The following RALGAPA1 variants were observed in gnomAD, a reference collection of about 807,000 sequenced individuals.
RALGAPA1 encodes ral GTPase-activating protein subunit alpha-1.
RALGAPA1 carries 52 observed loss-of-function variants against 269.6 expected under a neutral mutation model. That is an observed-to-expected ratio of 0.19 (90% CI 0.15 to 0.24). The LOEUF (loss-of-function observed/expected upper bound fraction) is 0.24, where lower values mean the gene tolerates loss of function less well. Among genes scored for constraint, RALGAPA1 ranks in the 10% least tolerant of loss-of-function variants. The pLI, the probability that RALGAPA1 is intolerant of heterozygous loss-of-function variation, is 1.00. For synonymous variants in RALGAPA1, 817 were observed against 1,008.3 expected, an observed-to-expected ratio of 0.81 and a Z score of 3.60; for missense variants, 1,917 against 3,013.9, an observed-to-expected ratio of 0.64 and a Z score of 8.52.
At chr14:35,706,056 G>T (rs942071289) in intron 16 of RALGAPA1, among the ~76,000 whole-genome samples, 1 of 152,130 alleles carries the variant, frequency 6.6e-6, no homozygotes, top group African/African-American at 2.4e-5. Flanking sequence ...TATCAGGCAT[G>T]TGTTTTGCAG....
intron 28 of RALGAPA1, among the ~76,000 whole-genome samples, chr14:35,657,267 C>A (rs1218681811): frequency 6.6e-6 from 1 of 151,578 alleles, no homozygotes; most frequent in African/African-American, 2.4e-5. Flanking sequence ...CGGCTCACTG[C>A]AACCTCCACC....
intron 16 of RALGAPA1, among the ~76,000 whole-genome samples, chr14:35,704,178 T>C (rs2067598224): frequency 6.6e-6 from 1 of 151,938 alleles, no homozygotes; most frequent in Non-Finnish European, 1.5e-5. Flanking sequence ...AAAAGCAAAA[T>C]CCGAAAACAA....
chr14:35,633,373 G>A lies in RALGAPA1; in HGVS notation c.5995+1201C>T, dbSNP rs368926534. On this transcript the variant is annotated intron_variant, in intron 33 of 41. Coordinates refer to ENST00000680220, the MANE Select transcript of RALGAPA1 (RefSeq NM_001346249.2). ...AATTGTTTTTTGCTTTATACTGCTTGTTATACCTCTTTTATATTTGAGAAA... is the reference window on the plus strand; with the variant it reads ...AATTGTTTTTTGCTTTATACTGCTTATTATACCTCTTTTATATTTGAGAAA... Among the ~76,000 whole-genome samples the A allele has an allele frequency of 3.9e-5, 6 of 152,060 alleles. No homozygotes were observed. In the East Asian group the frequency reaches 7.7e-4, roughly 20 times the overall value.
Position 35,549,204 on chromosome 14 carries a change from T to G in RALGAPA1, c.7527A>C (p.Thr2509=). ...TTGGTTCTAAGTGGTGCTGGACAATTGTTTGCAGGTATCGTGCTCTCTCCT... is the reference window on the plus strand; with the variant it reads ...TTGGTTCTAAGTGGTGCTGGACAATGGTTTGCAGGTATCGTGCTCTCTCCT... ...FYEERARYLQ[T]IVQHHLEPTT... is the part of the protein sequence containing the mutation. The change falls in exon 40 of 42, where the codon ACA becomes ACC. Residue 2509 remains threonine (T), a synonymous_variant. Coordinates refer to ENST00000680220, the MANE Select transcript of RALGAPA1 (RefSeq NM_001346249.2). The G allele has an allele frequency of 6.2e-7, 1 of 1,613,182 alleles. No individual in the cohort carries two copies. The highest frequency in any genetic ancestry group is 2.2e-5 in the East Asian group (1 of 44,814).
chr14:35,766,915 T>C (rs1595483371), intron 4 of RALGAPA1: 2 of 413,614 alleles, frequency 4.8e-6, no homozygotes, highest in Non-Finnish European at 9.5e-6. Flanking sequence ...TGAGTAACCC[T>C]GTTGCACTCT....
intron 35 of RALGAPA1, among the ~76,000 whole-genome samples, chr14:35,618,233 A>T (rs1185784523): frequency 1.3e-5 from 2 of 152,128 alleles, no homozygotes; most frequent in African/African-American, 4.8e-5. Flanking sequence ...CCGAACTCAA[A>T]ATGAAATTCT....
At chr14:35,567,727 ATGT>A (rs2056826585) in intron 39 of RALGAPA1, among the ~76,000 whole-genome samples, 1 of 152,168 alleles carries the variant, frequency 6.6e-6, no homozygotes, top group Non-Finnish European at 1.5e-5. Context: ...TGCATCTTAA[ATGT>A]TGTTGTACCT....
chr14:35,596,141 G>C (rs1030458652), intron 36 of RALGAPA1, among the ~76,000 whole-genome samples: 6 of 151,934 alleles, frequency 3.9e-5, no homozygotes, highest in Non-Finnish European at 8.8e-5. Context: ...AGTTAAAATG[G>C]TAATATCAGT....
rs994241564 is a variant in RALGAPA1 at position 35,539,601 on chromosome 14, T to C, written c.*113A>G. 6.2e-7 allele frequency: 1 copy of C among 1,613,968 alleles called. No individual in the cohort carries two copies. On this transcript the variant is annotated 3_prime_UTR_variant, in exon 42 of 42. Coordinates refer to ENST00000680220, the MANE Select transcript of RALGAPA1 (RefSeq NM_001346249.2). ...AGCTTCATGGACATGCGGCTTTTGC[T>C]AGTTCGAGGAGACATTGGAGAGGCC...
intron 16 of RALGAPA1, chr14:35,716,221 C>T (rs1048670775): frequency 3.8e-6 from 1 of 263,926 alleles, no homozygotes; most frequent in African/African-American, 2.3e-5. Flanking sequence ...TGGTGAAACC[C>T]CTTCTCACTA....
chr14:35,549,196 T>C lies in RALGAPA1; in HGVS notation c.7535A>G (p.Gln2512Arg), dbSNP rs748666085. ...ERARYLQTIV[Q>R]HHLEPTTFED... ...AAATGTTGTTGGTTCTAAGTGGTGC[T>C]GGACAATTGTTTGCAGGTATCGTGC... Residue 2512 changes from glutamine (Q) to arginine (R), a missense_variant, in exon 40 of 42, where the codon CAG becomes CGG. This residue lies in a region of RALGAPA1 where 91 missense variants were observed against 130.9 expected (regional missense o/e 0.70). Transcript: ENST00000680220. 1.2e-6 allele frequency: 2 copies of C among 1,613,168 alleles called. No individual in the cohort carries two copies. Among genetic ancestry groups the C allele is most frequent in the Non-Finnish European group, 1.7e-6 (2 of 1,179,410 alleles).
chr14:35,668,601 T>C (rs1358217057), intron 26 of RALGAPA1, among the ~76,000 whole-genome samples: 1 of 152,190 alleles, frequency 6.6e-6, no homozygotes, highest in Non-Finnish European at 1.5e-5. Flanking sequence ...AAGACCAGCC[T>C]GGGCAACATG....
chr14:35,788,394 T>A (rs1028161350), intron 1 of RALGAPA1, among the ~76,000 whole-genome samples: 4 of 152,218 alleles, frequency 2.6e-5, no homozygotes. Context: ...ATTTTTTCCA[T>A]AAACTGTGGT....
At chr14:35,728,624 T>G in intron 12 of RALGAPA1, 114 bp from the exon 13 acceptor site, 5 of 1,358,326 alleles carry the variant, frequency 3.7e-6, no homozygotes, top group Non-Finnish European at 4.8e-6. Flanking sequence ...GCTTAATAAC[T>G]GAAACATAAA....
At chr14:35,664,617 T>C (rs2063788128) in intron 27 of RALGAPA1, 25 bp downstream of exon 27, 3 of 1,566,898 alleles carry the variant, frequency 1.9e-6, no homozygotes, top group Non-Finnish European at 2.6e-6. Context: ...ATTTAAGTGC[T>C]AAAAATTAGC....
intron 36 of RALGAPA1, among the ~76,000 whole-genome samples, chr14:35,603,398 T>C (rs1057124471): frequency 1.3e-5 from 2 of 152,166 alleles, no homozygotes; most frequent in Non-Finnish European, 2.9e-5. Context: ...AAAAGTATAC[T>C]ACACGTTTGA....
intron 12 of RALGAPA1, among the ~76,000 whole-genome samples, chr14:35,728,970 AGTGATCT>A (rs1270521454): frequency 2.6e-5 from 4 of 152,128 alleles, no homozygotes; most frequent in Non-Finnish European, 4.4e-5. Flanking sequence ...CCTGGCCTCA[AGTGATCT>A]GCCCACCTTG....
At chr14:35,656,536 G>A (rs2063185974) in intron 28 of RALGAPA1, among the ~76,000 whole-genome samples, 1 of 152,062 alleles carries the variant, frequency 6.6e-6, no homozygotes, top group Non-Finnish European at 1.5e-5. Flanking sequence ...GAATCAGTAA[G>A]GATTCTATTA....
chr14:35,792,990 G>A (rs1309765444), intron 1 of RALGAPA1, among the ~76,000 whole-genome samples: 2 of 151,256 alleles, frequency 1.3e-5, no homozygotes, highest in Admixed American at 6.6e-5. Flanking sequence ...GGTAAGAACC[G>A]AGAAAAAAGG....
Sources: gnomAD v4.1 joint callset for allele counts (sites outside exome capture counted in the v4.1 genomes callset) on GRCh38, gnomAD v4.1.1 for gene constraint, gnomAD v4.1.1 regional missense constraint, MANE v1.5 for transcripts, NCBI Gene and HGNC (gene_info 2026-07-23, HGNC 2026-07-21) for gene names.